Variants in CSMD1 observed in about 807,000 individuals in gnomAD.
CSMD1 encodes CUB and Sushi multiple domains 1, also known as CUB and sushi domain-containing protein 1.
In CSMD1, 213 loss-of-function variants were observed where a neutral mutation model predicts 417.5. The ratio of observed to expected loss-of-function variants is 0.51; its 90% CI spans 0.46 to 0.57. CSMD1 has a LOEUF of 0.57. Ranked by LOEUF, CSMD1 falls within the 20% of genes least tolerant of loss-of-function variation. CSMD1 has a pLI of 0.00. For missense variants in CSMD1, 6,923 were observed against 4,529.7 expected (o/e 1.53, Z -15.17); for synonymous variants, 2,862 against 1,736.8 (o/e 1.65, Z -16.11).
At chr8:3,865,309 C>T (rs530204474) in intron 5 of CSMD1, among the ~76,000 whole-genome samples, 7 of 152,262 alleles carry the variant, frequency 4.6e-5, no homozygotes, top group East Asian at 1.9e-4. Flanking sequence ...ATGTGACATA[C>T]GCACTCAATT....
At chr8:4,433,451 C>T (rs1432180873) in intron 2 of CSMD1, among the ~76,000 whole-genome samples, 1 of 152,154 alleles carries the variant, frequency 6.6e-6, no homozygotes, top group Admixed American at 6.5e-5. Context: ...AGGCAATTCC[C>T]TGCGAGGTCA....
At chr8:3,530,234 C>G (rs1797921424) in intron 10 of CSMD1, among the ~76,000 whole-genome samples, 1 of 152,012 alleles carries the variant, frequency 6.6e-6, no homozygotes. Context: ...TTTTTTATAG[C>G]TCTTTAAAAT....
intron 3 of CSMD1, among the ~76,000 whole-genome samples, chr8:4,039,374 C>T (rs1463406655): frequency 6.6e-6 from 1 of 152,200 alleles, no homozygotes; most frequent in East Asian, 1.9e-4. Context: ...ACTCTCTCTC[C>T]TGGCTTTGGG....
intron 3 of CSMD1, among the ~76,000 whole-genome samples, chr8:4,354,872 GTGT>G (rs1283532516): frequency 3.9e-5 from 5 of 129,406 alleles, no homozygotes; most frequent in African/African-American, 1.9e-4. Context: ...TGTAGTGTGT[GTGT>G]GTGTGTGTGT....
chr8:4,095,562 A>G (rs975228160), intron 3 of CSMD1, among the ~76,000 whole-genome samples: 1 of 152,206 alleles, frequency 6.6e-6, no homozygotes, highest in Non-Finnish European at 1.5e-5. Context: ...AACTGGGAAT[A>G]AATGTATTTG....
At chr8:3,899,430 G>T (rs953369462) in intron 5 of CSMD1, among the ~76,000 whole-genome samples, 1 of 152,176 alleles carries the variant, frequency 6.6e-6, no homozygotes, top group South Asian at 2.1e-4. Flanking sequence ...TTGGCCACAG[G>T]GATTGTACGT....
chr8:3,412,061 C>G (rs886594742), intron 12 of CSMD1, among the ~76,000 whole-genome samples: 1 of 38,722 alleles, frequency 2.6e-5, no homozygotes, highest in African/African-American at 1.3e-4. Flanking sequence ...TATATACACA[C>G]GTATATATAC....
intron 1 of CSMD1, among the ~76,000 whole-genome samples, chr8:4,810,206 T>G (rs1798814866): frequency 6.6e-6 from 1 of 152,208 alleles, no homozygotes. Flanking sequence ...TCACATCCAT[T>G]CCCTGTCATG....
intron 19 of CSMD1, among the ~76,000 whole-genome samples, chr8:3,368,833 T>G (rs1039749409): frequency 1.3e-5 from 2 of 152,210 alleles, no homozygotes; most frequent in Non-Finnish European, 2.9e-5. Context: ...GATAAATTAT[T>G]CATTATGTAT....
At chr8:4,288,772 T>C (rs1209867187) in intron 3 of CSMD1, among the ~76,000 whole-genome samples, 2 of 152,208 alleles carry the variant, frequency 1.3e-5, no homozygotes, top group Admixed American at 6.5e-5. Context: ...TAAGATCTGA[T>C]ACCTGTCAGG....
chr8:3,904,971 G>A (rs1050033480), intron 5 of CSMD1, among the ~76,000 whole-genome samples: 6 of 152,010 alleles, frequency 3.9e-5, no homozygotes, highest in African/African-American at 1.2e-4. Flanking sequence ...GACATTTAAG[G>A]TCAAAGAGGA....
At position 4,633,603 on chromosome 8, in the gene CSMD1, C is replaced by A. The variant is rs193107866; in HGVS notation, c.302+3739G>T. Among the ~76,000 whole-genome samples, 343 of 152,076 alleles carry A rather than the reference C, an allele frequency of 2.3e-3. 1 individual carries two copies. The highest frequency in any genetic ancestry group is 8.0e-3 in the African/African-American group (333 of 41,482). Reference sequence around the variant, plus strand: ...ATGAAGTCTACCTCTGTCACCCAGGCTGGAGTGCAGTGGCATGATCTGCAC... The same window carrying A: ...ATGAAGTCTACCTCTGTCACCCAGGATGGAGTGCAGTGGCATGATCTGCAC... On this transcript the variant is annotated intron_variant, in intron 2 of 69. Transcript: ENST00000635120.
rs187820626 is a variant in CSMD1, at chr8:3,122,274, A to G, written c.6242-3687T>C. Among the ~76,000 whole-genome samples the G allele has an allele frequency of 5.9e-5, 9 of 152,312 alleles. No individual in the cohort carries two copies. The East Asian group carries it at 1.7e-3, about 29-fold the overall frequency. ...AATTAAAAATGTTATTACTTTAAAA[A>G]TATGTAATTACAAATAAAAAAATGA... On this transcript the variant is annotated intron_variant, in intron 41 of 69. Coordinates refer to ENST00000635120, the MANE Select transcript of CSMD1 (RefSeq NM_033225.6).
At chr8:3,439,302 T>C (rs1291085210) in intron 12 of CSMD1, among the ~76,000 whole-genome samples, 4 of 49,656 alleles carry the variant, frequency 8.1e-5, no homozygotes, top group African/African-American at 2.3e-4. Context: ...TATATATATA[T>C]ATATATATTT....
chr8:4,435,105 C>G (rs1411512708), intron 2 of CSMD1, among the ~76,000 whole-genome samples: 1 of 151,638 alleles, frequency 6.6e-6, no homozygotes, highest in Non-Finnish European at 1.5e-5. Flanking sequence ...ACAGTAGATG[C>G]TAAAAATAAG....
intron 3 of CSMD1, among the ~76,000 whole-genome samples, chr8:4,342,200 TGTGTCTGTGTGTGTGTGTGTGTGTGTG>T (rs1411922502): frequency 9.2e-5 from 1 of 10,884 alleles, no homozygotes; most frequent in Admixed American, 1.5e-3. Flanking sequence ...GCAGCAGTGC[TGTGTCTGTGTGTGTGTGTGTGTGTGTG>T]TGTGTCTGTG....
intron 1 of CSMD1, among the ~76,000 whole-genome samples, chr8:4,992,623 G>T (rs1811531809): frequency 6.6e-6 from 1 of 152,150 alleles, no homozygotes; most frequent in Admixed American, 6.5e-5. Context: ...CACCTCACAG[G>T]GCACAACCCT....
intron 7 of CSMD1, among the ~76,000 whole-genome samples, chr8:3,652,815 G>A (rs1797925287): frequency 6.6e-6 from 1 of 152,152 alleles, no homozygotes; most frequent in Non-Finnish European, 1.5e-5. Context: ...AGTCCTGGGG[G>A]CAAGACTTTG....
chr8:3,452,581 G>C (rs1039203296), intron 12 of CSMD1, among the ~76,000 whole-genome samples: 2 of 152,114 alleles, frequency 1.3e-5, no homozygotes, highest in Admixed American at 6.5e-5. Context: ...TAATCATGTG[G>C]TTTTTGTCAT....
Sources: allele counts gnomAD v4.1 joint callset (sites outside exome capture counted in the v4.1 genomes callset), GRCh38; gene constraint gnomAD v4.1.1; transcripts MANE v1.5; gene names NCBI Gene and HGNC (gene_info 2026-07-23, HGNC 2026-07-21).